The following MACROD2 variants were observed in gnomAD, a reference collection of about 807,000 sequenced individuals.
MACROD2 encodes the protein ADP-ribose glycohydrolase MACROD2.
In MACROD2, 36 loss-of-function variants were observed where a neutral mutation model predicts 70.4. The ratio of observed to expected loss-of-function variants is 0.51; its 90% CI spans 0.39 to 0.68. The LOEUF (loss-of-function observed/expected upper bound fraction) is 0.68. Among genes scored for constraint, MACROD2 ranks in the 30% least tolerant of loss-of-function variants. MACROD2 has a pLI of 0.00. For missense variants in MACROD2, 496 were observed against 538.4 expected, an observed-to-expected ratio of 0.92 and a Z score of 0.78; for synonymous variants, 172 against 178.8, an observed-to-expected ratio of 0.96 and a Z score of 0.30.
intron 5 of MACROD2, among the ~76,000 whole-genome samples, chr20:15,187,931 CT>C (rs1201905015): frequency 6.6e-6 from 1 of 152,056 alleles, no homozygotes; most frequent in Non-Finnish European, 1.5e-5. Flanking sequence ...CCTTTTTCTT[CT>C]GGTATTAAGG....
At chr20:15,010,080 T>C (rs1201718614) in intron 5 of MACROD2, among the ~76,000 whole-genome samples, 1 of 152,168 alleles carries the variant, frequency 6.6e-6, no homozygotes, top group Non-Finnish European at 1.5e-5. Flanking sequence ...CCACTTGAAT[T>C]TGAGCAGTGT....
chr20:15,228,913 G>A (rs890900321), intron 5 of MACROD2, among the ~76,000 whole-genome samples: 5 of 152,046 alleles, frequency 3.3e-5, no homozygotes, highest in Admixed American at 6.6e-5. Flanking sequence ...GAGTGGTAAC[G>A]ATTAGTCAAC....
chr20:15,455,549 C>T (rs2065295645), intron 7 of MACROD2, among the ~76,000 whole-genome samples: 1 of 152,116 alleles, frequency 6.6e-6, no homozygotes. Context: ...ATAAAACCTA[C>T]AATGCAATCC....
chr20:15,422,645 T>A (rs547219758), intron 6 of MACROD2, among the ~76,000 whole-genome samples: 1 of 152,276 alleles, frequency 6.6e-6, no homozygotes, highest in South Asian at 2.1e-4. Flanking sequence ...TGACAACAAT[T>A]ATTGCTGCAG....
chr20:15,591,745 C>T (rs1343543782), intron 8 of MACROD2, among the ~76,000 whole-genome samples: 1 of 151,946 alleles, frequency 6.6e-6, no homozygotes, highest in Non-Finnish European at 1.5e-5. Context: ...TACTTTAGGA[C>T]CTATTTGGTG....
chr20:14,103,154 T>C (rs2054321482), intron 3 of MACROD2, among the ~76,000 whole-genome samples: 1 of 152,206 alleles, frequency 6.6e-6, no homozygotes, highest in Admixed American at 6.5e-5. Context: ...TTCAAGGAAT[T>C]AGAAGATAAT....
chr20:14,624,809 T>G lies in MACROD2; in HGVS notation c.302-60034T>G, dbSNP rs541942391. Among the ~76,000 whole-genome samples, 5 of 152,222 alleles carry G rather than the reference T, an allele frequency of 3.3e-5. No individual in the cohort carries two copies. In the South Asian group the frequency reaches 1.0e-3, roughly 32 times the overall value. The stretch of plus-strand genomic sequence containing the variant: ...TGATAAAGAAGGAAAAAGTATGAGC[T>G]TGGTTCATGAATTTATCAGCTTATT... On this transcript the variant is annotated intron_variant, in intron 4 of 17. Transcript: ENST00000684519.
At chr20:15,909,055 G>C (rs2065192728) in intron 10 of MACROD2, among the ~76,000 whole-genome samples, 1 of 152,322 alleles carries the variant, frequency 6.6e-6, no homozygotes, top group Middle Eastern at 3.4e-3. Context: ...GCTCTACTCA[G>C]CATTGGCTGG....
intron 6 of MACROD2, among the ~76,000 whole-genome samples, chr20:15,323,625 C>A (rs989126704): frequency 6.6e-6 from 1 of 152,136 alleles, no homozygotes; most frequent in Non-Finnish European, 1.5e-5. Context: ...TTAGTTGTCC[C>A]CCTTAGCTTT....
intron 5 of MACROD2, among the ~76,000 whole-genome samples, chr20:14,747,215 C>T (rs998489498): frequency 4.6e-5 from 7 of 152,154 alleles, no homozygotes; most frequent in Non-Finnish European, 1.0e-4. Context: ...GTCTTCATTC[C>T]TCCAACCTCA....
intron 8 of MACROD2, among the ~76,000 whole-genome samples, chr20:15,540,089 C>T (rs2047935153): frequency 6.6e-6 from 1 of 152,122 alleles, no homozygotes; most frequent in African/African-American, 2.4e-5. Context: ...ACATGTTGGG[C>T]ATAGAGAAGA....
intron 5 of MACROD2, among the ~76,000 whole-genome samples, chr20:14,866,156 C>T (rs965021558): frequency 1.3e-5 from 2 of 152,082 alleles, no homozygotes; most frequent in African/African-American, 2.4e-5. Flanking sequence ...CATAGTTATG[C>T]ATACAATTAG....
At chr20:15,511,392 G>A (rs1234420259) in intron 8 of MACROD2, among the ~76,000 whole-genome samples, 1 of 151,984 alleles carries the variant, frequency 6.6e-6, no homozygotes, top group Non-Finnish European at 1.5e-5. Flanking sequence ...AGTTGTTGTT[G>A]CTTCTCTGAC....
intron 3 of MACROD2, among the ~76,000 whole-genome samples, chr20:14,288,111 GGTACACCCTACAAGGTAGGGT>G (rs2082358945): frequency 6.6e-6 from 1 of 151,560 alleles, no homozygotes; most frequent in South Asian, 2.1e-4. Context: ...CCTTAGATAA[GGTACACCCTACAAGGTAGGGT>G]GTACCTTGTA....
At chr20:14,948,251 C>A (rs757811457) in intron 5 of MACROD2, among the ~76,000 whole-genome samples, 12 of 152,160 alleles carry the variant, frequency 7.9e-5, no homozygotes, top group Non-Finnish European at 1.8e-4. Flanking sequence ...GCAGGCCATG[C>A]ACAAATACTT....
At chr20:14,608,507 G>T (rs1358659658) in intron 4 of MACROD2, among the ~76,000 whole-genome samples, 2 of 152,124 alleles carry the variant, frequency 1.3e-5, no homozygotes, top group Non-Finnish European at 2.9e-5. Flanking sequence ...GATAAGCCAG[G>T]CTAACAGATC....
At chr20:15,262,106 G>C (rs1367020200) in intron 6 of MACROD2, among the ~76,000 whole-genome samples, 1 of 151,632 alleles carries the variant, frequency 6.6e-6, no homozygotes, top group Non-Finnish European at 1.5e-5. Context: ...ATTGTTAACT[G>C]TAGTCACTCT....
chr20:15,931,995 G>A (rs1439166591), intron 10 of MACROD2, among the ~76,000 whole-genome samples: 1 of 152,072 alleles, frequency 6.6e-6, no homozygotes, highest in East Asian at 1.9e-4. Flanking sequence ...GGAGATGGCG[G>A]GTCAAAGCAC....
intron 5 of MACROD2, among the ~76,000 whole-genome samples, chr20:15,146,884 A>C (rs1157222462): frequency 6.6e-6 from 1 of 152,108 alleles, no homozygotes; most frequent in Non-Finnish European, 1.5e-5. Context: ...TTAGCATAGA[A>C]ATTTGTTTCT....
Sources: allele counts gnomAD v4.1 joint callset (sites outside exome capture counted in the v4.1 genomes callset), GRCh38; gene constraint gnomAD v4.1.1; transcripts MANE v1.5; gene names NCBI Gene and HGNC (gene_info 2026-07-23, HGNC 2026-07-21).